Variants in MRE11 observed in about 807,000 individuals in gnomAD.
The protein encoded by MRE11 is MRE11 double strand break repair nuclease.
A neutral mutation model predicts 91.7 loss-of-function variants in MRE11; 62 were observed. The observed-to-expected ratio is 0.68, with a 90% CI of 0.55 to 0.84. The LOEUF (loss-of-function observed/expected upper bound fraction) is 0.84. Ranked by LOEUF, MRE11 falls within the 40% of genes least tolerant of loss-of-function variation. The probability of loss-of-function intolerance (pLI) is 0.00; values close to 1 mark genes in which losing one functional copy is unlikely to be tolerated. For synonymous variants in MRE11, 273 were observed against 271.4 expected, an observed-to-expected ratio of 1.01 and a Z score of -0.06; for missense variants, 796 against 852.9, an observed-to-expected ratio of 0.93 and a Z score of 0.83.
chr11:94,477,557 T>A (rs368131209), intron 6 of MRE11, among the ~76,000 whole-genome samples: 1 of 152,216 alleles, frequency 6.6e-6, no homozygotes, highest in East Asian at 1.9e-4. Flanking sequence ...AGTCTAGAAG[T>A]TAGAAGTGGC....
upstream of MRE11, chr11:94,496,553 A>G: frequency 1.3e-6 from 1 of 766,830 alleles, no homozygotes; most frequent in Non-Finnish European, 2.0e-6. Context: ...TATGCAGTTG[A>G]TAAAGCCTGA....
chr11:94,510,589 A>G, the MRE11 span, among the ~76,000 whole-genome samples: 1 of 152,208 alleles, frequency 6.6e-6, no homozygotes, highest in Non-Finnish European at 1.5e-5. Flanking sequence ...ATATTAGGTA[A>G]GGATATAGTG....
At chr11:94,469,124 T>C (rs1410105830) in intron 9 of MRE11, among the ~76,000 whole-genome samples, 1 of 151,216 alleles carries the variant, frequency 6.6e-6, no homozygotes, top group Non-Finnish European at 1.5e-5. Flanking sequence ...GTGTTTAAAA[T>C]GAACCTCTAT....
At chr11:94,459,837 T>C (rs1162759918) in intron 12 of MRE11, among the ~76,000 whole-genome samples, 1 of 152,062 alleles carries the variant, frequency 6.6e-6, no homozygotes, top group African/African-American at 2.4e-5. Context: ...TTAATAGAGA[T>C]GAAATTAACC....
In MRE11 at chr11:94,435,901, T is replaced by C. The variant is rs587781822; in HGVS notation, c.1927-2A>G. Reference sequence around the variant, plus strand: ...ATCTGATTCATCTACCTCAATCACCTGGCAAGGAAACAAAGCAACAAACAG... The same window carrying C: ...ATCTGATTCATCTACCTCAATCACCCGGCAAGGAAACAAAGCAACAAACAG... On this transcript the variant is annotated splice_acceptor_variant, in intron 17 of 19. Coordinates refer to ENST00000323929, the MANE Select transcript of MRE11 (RefSeq NM_005591.4). LOFTEE classifies it high-confidence loss of function. 16 of 1,613,444 alleles carry C rather than the reference T, an allele frequency of 9.9e-6. No individual in the cohort carries two copies. Among genetic ancestry groups the C allele is most frequent in the Non-Finnish European group, 1.4e-5 (16 of 1,179,608 alleles).
intron 5 of MRE11, 23 bp downstream of exon 5, chr11:94,479,651 A>C (rs1946963722): frequency 1.9e-6 from 3 of 1,597,934 alleles, no homozygotes; most frequent in African/African-American, 2.7e-5. Flanking sequence ...AATTCCAACA[A>C]ACTCTAAGAA....
intron 4 of MRE11, chr11:94,483,946 G>C (rs1267398699): frequency 6.6e-6 from 1 of 152,176 alleles, no homozygotes; most frequent in Non-Finnish European, 1.5e-5. Context: ...TGTCCAGTGA[G>C]AGCCTAGAAG....
the MRE11 span, among the ~76,000 whole-genome samples, chr11:94,500,931 AT>A: frequency 3.5e-4 from 53 of 152,284 alleles, no homozygotes; most frequent in Non-Finnish European, 5.3e-4. Flanking sequence ...TCAACTCTTG[AT>A]TCCTGATCAA....
chr11:94,455,927 C>T (rs542750061), intron 14 of MRE11, among the ~76,000 whole-genome samples: 1 of 152,206 alleles, frequency 6.6e-6, no homozygotes, highest in East Asian at 1.9e-4. Context: ...CAGGGTCTCA[C>T]TCTGTTGCCC....
chr11:94,462,846 A>T (rs895853583), intron 11 of MRE11, among the ~76,000 whole-genome samples: 2 of 152,196 alleles, frequency 1.3e-5, no homozygotes, highest in African/African-American at 4.8e-5. Flanking sequence ...AACCTAGGCA[A>T]TACCATTCAG....
rs1329411153 is a variant in MRE11 at position 94,418,324 on chromosome 11, A to T, written c.*1801T>A. The T allele has an allele frequency of 1.7e-5, 4 of 232,990 alleles. No homozygotes were observed. 14.4% of individuals were successfully genotyped at this position (232,990 alleles called of 1,614,324 possible). A position where few individuals can be genotyped will look rare whatever the true frequency, so the allele number is the denominator to read the frequency against. On this transcript the variant is annotated 3_prime_UTR_variant, in exon 20 of 20. Coordinates refer to ENST00000323929, the MANE Select transcript of MRE11 (RefSeq NM_005591.4). ...CACCCTCTGTAACTGCTATGTCATC[A>T]CTTTCCTTAGCGGTGAACTGAATCG...
At chr11:94,434,597 C>T (rs146762201) in intron 18 of MRE11, among the ~76,000 whole-genome samples, 13 of 152,132 alleles carry the variant, frequency 8.5e-5, no homozygotes, top group African/African-American at 2.9e-4. Context: ...CCCTTATTCT[C>T]AGCTGGGACC....
chr11:94,481,245 G>T (rs1947005305), intron 4 of MRE11, among the ~76,000 whole-genome samples: 1 of 152,078 alleles, frequency 6.6e-6, no homozygotes, highest in Admixed American at 6.5e-5. Flanking sequence ...GGAGGCAGAG[G>T]TTGCAGTAAG....
intron 18 of MRE11, among the ~76,000 whole-genome samples, chr11:94,430,868 G>GCCCA (rs1945446476): frequency 1.3e-5 from 2 of 152,082 alleles, no homozygotes; most frequent in Admixed American, 6.5e-5. Flanking sequence ...AGCAAATCTA[G>GCCCA]CCCACCACCA....
the MRE11 span, among the ~76,000 whole-genome samples, chr11:94,507,597 G>A: frequency 6.9e-4 from 105 of 152,240 alleles, no homozygotes; most frequent in East Asian, 4.1e-3. Flanking sequence ...AGAAGTGAAC[G>A]TTCCGATTGC....
At chr11:94,479,828 C>T (rs2135092866) in intron 4 of MRE11, 67 bp from the exon 5 acceptor site, 4 of 1,276,858 alleles carry the variant, frequency 3.1e-6, no homozygotes, top group Non-Finnish European at 4.5e-6. Flanking sequence ...AGATTCTCCT[C>T]CAAAATATTA....
intron 11 of MRE11, among the ~76,000 whole-genome samples, chr11:94,463,257 C>T (rs1475033560): frequency 2.6e-5 from 4 of 152,154 alleles, no homozygotes; most frequent in East Asian, 3.9e-4. Flanking sequence ...GTTAGAATGG[C>T]GATCATTAAA....
chr11:94,478,688 T>TTA (rs1275962080), intron 6 of MRE11, 47 bp downstream of exon 6: 10 of 1,606,264 alleles, frequency 6.2e-6, no homozygotes, highest in Non-Finnish European at 8.5e-6. Context: ...TCTCAATTGT[T>TTA]TAAAGAATCA....
intron 10 of MRE11, among the ~76,000 whole-genome samples, chr11:94,465,149 C>T (rs1946527599): frequency 6.6e-6 from 1 of 152,148 alleles, no homozygotes; most frequent in East Asian, 1.9e-4. Flanking sequence ...TAATGAATGT[C>T]TTTTAGTCAG....
Sources: gnomAD v4.1 joint callset for allele counts (sites outside exome capture counted in the v4.1 genomes callset) on GRCh38, gnomAD v4.1.1 for gene constraint, MANE v1.5 for transcripts, NCBI Gene and HGNC (gene_info 2026-07-23, HGNC 2026-07-21) for gene names.